VPS36: variants seen among roughly 807,000 people sequenced by gnomAD.
VPS36 encodes vacuolar protein sorting 36 homolog.
In VPS36, 31 loss-of-function variants were observed where a neutral mutation model predicts 63.5. The observed-to-expected ratio is 0.49, with a 90% CI of 0.37 to 0.66. VPS36 has a LOEUF of 0.66. VPS36 is among the 30% of genes least tolerant of loss of function. VPS36 has a pLI of 0.00. For synonymous variants in VPS36, 138 were observed against 157.2 expected, an observed-to-expected ratio of 0.88 and a Z score of 0.91; for missense variants, 338 against 463.7, an observed-to-expected ratio of 0.73 and a Z score of 2.49.
At chr13:52,426,925 C>T (rs1958107753) in intron 8 of VPS36, 64 bp downstream of exon 8, 1 of 1,102,640 alleles carries the variant, frequency 9.1e-7, no homozygotes, top group Non-Finnish European at 1.3e-6. Flanking sequence ...CAATGTAAAC[C>T]ACAAAAACCT....
At chr13:52,429,369 T>C (rs941321267) in intron 6 of VPS36, 1 of 873,350 alleles carries the variant, frequency 1.1e-6, no homozygotes, top group African/African-American at 1.8e-5. Context: ...GGTCATCTGC[T>C]AGAGCCTATT....
chr13:52,439,828 A>C (rs1958257140), intron 2 of VPS36, among the ~76,000 whole-genome samples: 1 of 152,222 alleles, frequency 6.6e-6, no homozygotes, highest in African/African-American at 2.4e-5. Context: ...GCAAAAAACA[A>C]ATCAGATACA....
intron 3 of VPS36, among the ~76,000 whole-genome samples, chr13:52,438,492 GA>G (rs1272924179): frequency 6.6e-6 from 1 of 152,036 alleles, no homozygotes; most frequent in Admixed American, 6.6e-5. Flanking sequence ...GCCTACATAG[GA>G]AAAAAATATC....
chr13:52,424,913 G>A lies in VPS36; in HGVS notation c.774+1019C>T, dbSNP rs145694622. 7.4e-3 allele frequency among the ~76,000 whole-genome samples: 1,121 copies of A among 152,056 alleles called. 7 individuals are homozygous for A. Among genetic ancestry groups the A allele is most frequent in the African/African-American group, 0.017 (697 of 41,434 alleles). On this transcript the variant is annotated intron_variant, in intron 9 of 13. Coordinates refer to ENST00000378060, the MANE Select transcript of VPS36 (RefSeq NM_016075.4). ...TGAGGCAGGAGAATCGCTTGAACCC[G>A]GGAGGTAGAGGTTGCAGTGAGCTGA...
intron 1 of VPS36, among the ~76,000 whole-genome samples, chr13:52,442,674 A>G (rs1958293219): frequency 6.6e-6 from 1 of 152,228 alleles, no homozygotes; most frequent in Non-Finnish European, 1.5e-5. Flanking sequence ...TATGATACAC[A>G]TTCATACTCT....
Position 52,416,076 on chromosome 13 carries a change from G to C in VPS36, c.1008C>G (p.Ser336=). 6.2e-7 allele frequency: 1 copy of C among 1,613,102 alleles called. No homozygotes were observed. Among genetic ancestry groups the C allele is most frequent in the Non-Finnish European group, 8.5e-7 (1 of 1,179,772 alleles). ...GCTTAGCAAACTCTTCTGATGTTAG[G>C]GATCCCTTTTCTGAAACCTAATAGA... is the stretch of plus-strand genomic sequence containing the variant. ...SALETVSEKG[S]LTSEEFAKLV... is the part of the protein sequence containing the mutation. Residue 336 remains serine (S), a synonymous_variant, in exon 13 of 14, where the codon TCC becomes TCG. Transcript: ENST00000378060.
In VPS36 at chr13:52,417,045, G is replaced by A. The variant is rs575344532; in HGVS notation, c.990+12C>T. ...CAAGCTCTAAAGACTGGAGAAAATC[G>A]GCTTCACATACTGTCTCCAGGGCCG... On this transcript the variant is annotated intron_variant, in intron 12 of 13. Transcript: ENST00000378060. 23 of 1,611,698 alleles carry A rather than the reference G, an allele frequency of 1.4e-5. No individual in the cohort carries two copies. In the East Asian group the frequency reaches 2.0e-4, roughly 14 times the overall value.
rs1437149868 is a variant in VPS36 at position 52,413,727 on chromosome 13, C to T, written c.*2103G>A. 6.6e-6 allele frequency: 1 copy of T among 152,184 alleles called. No individual in the cohort carries two copies. The highest frequency in any genetic ancestry group is 1.5e-5 in the Non-Finnish European group (1 of 67,966). 9.4% of individuals were successfully genotyped at this position (152,184 alleles called of 1,614,324 possible). On this transcript the variant is annotated 3_prime_UTR_variant, in exon 14 of 14. Coordinates refer to ENST00000378060, the MANE Select transcript of VPS36 (RefSeq NM_016075.4). ...ATTATACCAGTGATAAGCACCAAGA[C>T]AGAACTTTTTTGCACTTAGGGCCTG...
intron 3 of VPS36, 49 bp from the exon 4 acceptor site, chr13:52,436,453 TA>T: frequency 8.0e-7 from 1 of 1,254,108 alleles, no homozygotes; most frequent in African/African-American, 1.5e-5. Context: ...CAAAAAAATA[TA>T]ACTAATTCTA....
intron 2 of VPS36, 26 bp from the exon 3 acceptor site, chr13:52,439,194 G>C (rs372328080): frequency 3.7e-6 from 6 of 1,605,120 alleles, no homozygotes; most frequent in Non-Finnish European, 3.4e-6. Flanking sequence ...TAGCTTAAAT[G>C]AAAGACTCTA....
At chr13:52,423,823 T>C (rs956223278) in intron 9 of VPS36, among the ~76,000 whole-genome samples, 184 bp from the exon 10 acceptor site, 1 of 152,154 alleles carries the variant, frequency 6.6e-6, no homozygotes, top group Non-Finnish European at 1.5e-5. Flanking sequence ...GATTCAATAC[T>C]TGCATTTTAA....
intron 6 of VPS36, among the ~76,000 whole-genome samples, chr13:52,433,093 C>T (rs1195984187): frequency 6.6e-6 from 1 of 152,158 alleles, no homozygotes; most frequent in Non-Finnish European, 1.5e-5. Context: ...GAATCTAATG[C>T]ATAACTGGTC....
At chr13:52,450,357 G>A in intron 1 of VPS36, 142 bp downstream of exon 1, 1 of 1,226,234 alleles carries the variant, frequency 8.2e-7, no homozygotes, top group South Asian at 2.9e-5. Flanking sequence ...GCTGCACCCC[G>A]CACAGAGGCC....
At chr13:52,434,682 C>G (rs563317572) in intron 5 of VPS36, 111 bp downstream of exon 5, 1 of 1,007,236 alleles carries the variant, frequency 9.9e-7, no homozygotes, top group African/African-American at 1.6e-5. Flanking sequence ...TATAAGAATA[C>G]CATTGCAGTA....
At chr13:52,436,454 A>G in intron 3 of VPS36, 50 bp from the exon 4 acceptor site, 1 of 1,256,048 alleles carries the variant, frequency 8.0e-7, no homozygotes, top group Non-Finnish European at 1.1e-6. Flanking sequence ...AAAAAAATAT[A>G]ACTAATTCTA....
At chr13:52,446,985 C>T (rs1202784733) in intron 1 of VPS36, among the ~76,000 whole-genome samples, 2 of 151,334 alleles carry the variant, frequency 1.3e-5, no homozygotes, top group Non-Finnish European at 2.9e-5. Context: ...AAGCCATTCT[C>T]CTGCCTCAGC....
intron 1 of VPS36, chr13:52,450,103 G>A: frequency 1.0e-6 from 1 of 990,602 alleles, no homozygotes; most frequent in Non-Finnish European, 1.2e-6. Flanking sequence ...GCCGAGGTTG[G>A]TGTCGTCAGG....
chr13:52,418,081 A>C, intron 10 of VPS36, 25 bp from the exon 11 acceptor site: 1 of 1,579,466 alleles, frequency 6.3e-7, no homozygotes, highest in Non-Finnish European at 8.7e-7. Context: ...AAATCCAGTA[A>C]TGCTATACAA....
chr13:52,439,909 A>T (rs777744321), intron 2 of VPS36, among the ~76,000 whole-genome samples: 2 of 152,170 alleles, frequency 1.3e-5, no homozygotes, highest in Non-Finnish European at 2.9e-5. Flanking sequence ...TACTTCACTC[A>T]TATGCCCATA....
Sources: allele counts gnomAD v4.1 joint callset (sites outside exome capture counted in the v4.1 genomes callset), GRCh38; gene constraint gnomAD v4.1.1; transcripts MANE v1.5; gene names NCBI Gene and HGNC (gene_info 2026-07-23, HGNC 2026-07-21).